PINX1: variants seen among roughly 807,000 people sequenced by gnomAD.
PINX1 encodes the protein PIN2 (TERF1) interacting telomerase inhibitor 1.
A neutral mutation model predicts 25.4 loss-of-function variants in PINX1; 34 were observed. The ratio of observed to expected loss-of-function variants is 1.34; its 90% CI spans 1.02 to 1.78. PINX1 has a LOEUF of 1.78. PINX1 is among the 40% of genes most tolerant of loss of function. The pLI is 0.00. For missense variants in PINX1, 592 were observed against 404.9 expected (o/e 1.46, Z -3.97); for synonymous variants, 197 against 147.7 (o/e 1.33, Z -2.42).
At chr8:10,769,408 TA>T (rs561810249) in intron 6 of PINX1, among the ~76,000 whole-genome samples, 34 of 152,210 alleles carry the variant, frequency 2.2e-4, no homozygotes, top group Non-Finnish European at 4.3e-4. Flanking sequence ...TCCCAAATGG[TA>T]AGTGGGCCTT....
chr8:10,775,806 G>A (rs1440722223), intron 6 of PINX1, among the ~76,000 whole-genome samples: 1 of 152,218 alleles, frequency 6.6e-6, no homozygotes, highest in Non-Finnish European at 1.5e-5. Flanking sequence ...TCATTTGCAA[G>A]ACAGGGAAAT....
intron 6 of PINX1, among the ~76,000 whole-genome samples, chr8:10,806,478 C>A (rs372768601): frequency 6.6e-6 from 1 of 152,182 alleles, no homozygotes; most frequent in East Asian, 1.9e-4. Context: ...ACCATTCCCA[C>A]CCCCCTCACA....
rs1034668421 is a variant in PINX1, at chr8:10,826,006, C to T, written c.394+146G>A. 8.9e-5 allele frequency: 48 copies of T among 541,054 alleles called. No homozygotes were observed. The Admixed American group carries it at 1.2e-3, about 13-fold the overall frequency. The allele number at this position is 541,054 out of a possible 1,614,324, so 33.5% of individuals were successfully genotyped here. ...ATCCTCAGGCACACCACAGTCAATG[C>T]GAAGACTCCAGCGCTGTTTCACAGC... On this transcript the variant is annotated intron_variant, in intron 5 of 6. Coordinates refer to ENST00000314787, the MANE Select transcript of PINX1 (RefSeq NM_017884.6).
At chr8:10,778,247 A>T (rs1563204860) in intron 6 of PINX1, among the ~76,000 whole-genome samples, 1 of 152,170 alleles carries the variant, frequency 6.6e-6, no homozygotes, top group African/African-American at 2.4e-5. Flanking sequence ...AGTATCCCTT[A>T]TTTGAAATGC....
At chr8:10,836,093 C>T (rs78332459) in intron 1 of PINX1, among the ~76,000 whole-genome samples, 116 of 152,122 alleles carry the variant, frequency 7.6e-4, no homozygotes, top group Middle Eastern at 3.4e-3. Context: ...CTACCTTGCC[C>T]ATCTCATCAC....
In PINX1 at chr8:10,765,274, C is replaced by G. The variant is rs1227879055; in HGVS notation, c.*127G>C. ...TGGCGAGAGGGCAGGACTCGGCAGCCCATGGGCATGCCACAAGATGCGCCC... is the reference window on the plus strand; with the variant it reads ...TGGCGAGAGGGCAGGACTCGGCAGCGCATGGGCATGCCACAAGATGCGCCC... On this transcript the variant is annotated 3_prime_UTR_variant, in exon 7 of 7. Transcript: ENST00000314787. The G allele has an allele frequency of 1.2e-6, 1 of 835,866 alleles. No individual in the cohort carries two copies. The allele number at this position is 835,866 out of a possible 1,614,324, so 51.8% of individuals were successfully genotyped here.
At chr8:10,815,838 A>G (rs934557818) in intron 6 of PINX1, among the ~76,000 whole-genome samples, 1 of 152,246 alleles carries the variant, frequency 6.6e-6, no homozygotes, top group Non-Finnish European at 1.5e-5. Context: ...TTTGATCTCT[A>G]CAAGGAGTTC....
At chr8:10,804,620 G>A (rs1344290327) in intron 6 of PINX1, among the ~76,000 whole-genome samples, 3 of 152,040 alleles carry the variant, frequency 2.0e-5, no homozygotes, top group Non-Finnish European at 2.9e-5. Flanking sequence ...CACTGGGGCC[G>A]GGGAGGCTAC....
rs1166973232 is a variant in PINX1, at chr8:10,820,283, G to A, written c.395-14C>T. On this transcript the variant is annotated splice_polypyrimidine_tract_variant and intron_variant, in intron 5 of 6. Transcript: ENST00000314787. ...ACAGATCCTTCCCTAGAAAAACAAT[G>A]TGATGCTTTTCAGTAAGACTGTTCT... The A allele has an allele frequency of 7.6e-6, 12 of 1,571,634 alleles. No individual in the cohort carries two copies. Among genetic ancestry groups the A allele is most frequent in the East Asian group, 2.2e-5 (1 of 44,680 alleles).
intron 6 of PINX1, among the ~76,000 whole-genome samples, chr8:10,809,891 T>C (rs1392975949): frequency 6.6e-6 from 1 of 152,232 alleles, no homozygotes; most frequent in African/African-American, 2.4e-5. Context: ...ATTTATAAAG[T>C]AAAGAGGTTT....
At position 10,765,463 on chromosome 8, in the gene PINX1, C is replaced by A; in HGVS notation, c.925G>T (p.Ala309Ser). 1 of 1,613,100 alleles carries A rather than the reference C, an allele frequency of 6.2e-7. No individual in the cohort carries two copies. The highest frequency in any genetic ancestry group is 8.5e-7 in the Non-Finnish European group (1 of 1,179,824). Residue 309 changes from alanine (A) to serine (S), a missense_variant, in exon 7 of 7, where the codon GCA (alanine) becomes TCA (serine). Ala to Ser is a moderately conservative substitution (Grantham distance 99). Coordinates refer to ENST00000314787, the MANE Select transcript of PINX1 (RefSeq NM_017884.6). Reference protein sequence around the residue: ...KKKLQKPVEIAEDATLEETLV... With the variant: ...KKKLQKPVEISEDATLEETLV... ...GTTTCTTCTAGTGTAGCGTCCTCTG[C>A]TATCTCTACTGGTTTTTGCAGCTTT...
intron 6 of PINX1, among the ~76,000 whole-genome samples, chr8:10,776,362 T>C (rs533808923): frequency 4.3e-4 from 66 of 151,738 alleles, no homozygotes; most frequent in Non-Finnish European, 1.0e-4. Flanking sequence ...GAAGCGGAGG[T>C]TGCAGTGAGC....
chr8:10,792,632 G>A (rs1226360761), intron 6 of PINX1, among the ~76,000 whole-genome samples: 5 of 152,258 alleles, frequency 3.3e-5, no homozygotes, highest in African/African-American at 1.2e-4. Flanking sequence ...TGAAAGGCTT[G>A]CAGATGGTAC....
intron 6 of PINX1, among the ~76,000 whole-genome samples, chr8:10,790,707 C>T (rs1347823566): frequency 6.6e-6 from 1 of 152,208 alleles, no homozygotes; most frequent in Non-Finnish European, 1.5e-5. Context: ...CGACCTCTAC[C>T]TGCCTGCCTC....
intron 6 of PINX1, among the ~76,000 whole-genome samples, chr8:10,819,441 AT>A (rs1797799408): frequency 6.6e-6 from 1 of 152,220 alleles, no homozygotes; most frequent in Non-Finnish European, 1.5e-5. Context: ...TCACAACCAT[AT>A]ATTCCAGATT....
intron 6 of PINX1, among the ~76,000 whole-genome samples, chr8:10,805,283 C>A (rs948964470): frequency 8.5e-5 from 13 of 152,240 alleles, no homozygotes; most frequent in African/African-American, 2.9e-4. Context: ...ACATCCACGT[C>A]AGGGTAATAA....
intron 6 of PINX1, among the ~76,000 whole-genome samples, chr8:10,782,673 T>C (rs1405319907): frequency 6.6e-6 from 1 of 151,858 alleles, no homozygotes; most frequent in Non-Finnish European, 1.5e-5. Context: ...GAGGCGGAGG[T>C]TGCAGTGAGC....
At chr8:10,807,231 T>C (rs1027365564) in intron 6 of PINX1, among the ~76,000 whole-genome samples, 6 of 150,632 alleles carry the variant, frequency 4.0e-5, no homozygotes, top group Admixed American at 2.7e-4. Flanking sequence ...AACAATGAGA[T>C]AGTAAGACAT....
At chr8:10,817,205 G>A (rs1185953171) in intron 6 of PINX1, among the ~76,000 whole-genome samples, 1 of 152,088 alleles carries the variant, frequency 6.6e-6, no homozygotes, top group Non-Finnish European at 1.5e-5. Flanking sequence ...GCACTACCAC[G>A]GTTTCCAGGA....
Sources: allele counts gnomAD v4.1 joint callset (sites outside exome capture counted in the v4.1 genomes callset), GRCh38; gene constraint gnomAD v4.1.1; transcripts MANE v1.5; gene names NCBI Gene and HGNC (gene_info 2026-07-23, HGNC 2026-07-21).